The following ZNF331 variants were observed in gnomAD, a reference collection of about 807,000 sequenced individuals.
ZNF331 encodes the protein zinc finger protein 331, also known as C2H2-like zinc finger protein rearranged in thyroid adenomas.
ZNF331 carries 2 observed loss-of-function variants against 7.0 expected under a neutral mutation model. The observed-to-expected ratio is 0.29, with a 90% CI of 0.12 to 0.90. ZNF331 has a LOEUF of 0.90. Ranked by LOEUF, ZNF331 falls within the 40% of genes least tolerant of loss-of-function variation. ZNF331 has a pLI of 0.58. For missense variants in ZNF331, 432 were observed against 587.7 expected, an observed-to-expected ratio of 0.74 and a Z score of 2.74; for synonymous variants, 196 against 205.4, an observed-to-expected ratio of 0.95 and a Z score of 0.39.
chr19:53,556,971 C>CTTTT (rs59869542), intron 3 of ZNF331, among the ~76,000 whole-genome samples: 1 of 69,624 alleles, frequency 1.4e-5, no homozygotes, highest in Admixed American at 1.7e-4. Flanking sequence ...ACACCTGGCT[C>CTTTT]TTTTTTTTTT....
At chr19:53,519,830 C>G (rs1279135401), upstream of ZNF331, among the ~76,000 whole-genome samples, 1 of 152,146 alleles carries the variant, frequency 6.6e-6, no homozygotes, top group Non-Finnish European at 1.5e-5. Context: ...GCTCCCCAAT[C>G]TACTGGGGGG....
chr19:53,515,168 T>G (rs1478447280), upstream of ZNF331, among the ~76,000 whole-genome samples: 1 of 152,174 alleles, frequency 6.6e-6, no homozygotes, highest in African/African-American at 2.4e-5. Flanking sequence ...CACTAGAAAT[T>G]TAGTTCTCCT....
chr19:53,575,187 C>T (rs1665738899), intron 5 of ZNF331, among the ~76,000 whole-genome samples: 1 of 151,992 alleles, frequency 6.6e-6, no homozygotes, highest in East Asian at 1.9e-4. Flanking sequence ...AATCCACCCA[C>T]CTCGGTCTCC....
intron 2 of ZNF331, among the ~76,000 whole-genome samples, chr19:53,533,057 A>G (rs1297222233): frequency 6.9e-6 from 1 of 145,646 alleles, no homozygotes; most frequent in East Asian, 1.9e-4. Flanking sequence ...TATGAGTGTC[A>G]TTTGTTCTTT....
intron 2 of ZNF331, chr19:53,523,163 T>C (rs2087152186): frequency 6.6e-6 from 1 of 152,150 alleles, no homozygotes; most frequent in Admixed American, 6.5e-5. Flanking sequence ...TCACTAATTA[T>C]TATTTTTGTC....
At position 53,571,196 on chromosome 19, in the gene ZNF331, T is replaced by C. The variant is rs772426774; in HGVS notation, c.10-408T>C. Among the ~76,000 whole-genome samples, 9 of 152,186 alleles carry C rather than the reference T, an allele frequency of 5.9e-5. No individual in the cohort carries two copies. The highest frequency in any genetic ancestry group is 8.8e-5 in the Non-Finnish European group (6 of 68,030). ...CGCCCAGCCCCAGCAAACCCTATTTTCTAAAATAAAAGTTCTTAAACAGAA... is the reference window on the plus strand; with the variant it reads ...CGCCCAGCCCCAGCAAACCCTATTTCCTAAAATAAAAGTTCTTAAACAGAA... On this transcript the variant is annotated intron_variant, in intron 4 of 5. Transcript: ENST00000449416. The surrounding 1 kb of genome is among the most constrained non-coding windows in gnomAD (Gnocchi z 4.7).
the ZNF331 span, among the ~76,000 whole-genome samples, chr19:53,507,761 G>A: frequency 6.6e-6 from 1 of 152,156 alleles, no homozygotes; most frequent in Non-Finnish European, 1.5e-5. Flanking sequence ...CCTTTTGGGA[G>A]GCTGAGGTAG....
chr19:53,535,353 A>G (rs1051755906), upstream of ZNF331, among the ~76,000 whole-genome samples: 2 of 152,162 alleles, frequency 1.3e-5, no homozygotes, highest in Admixed American at 1.3e-4. Context: ...TGGCCTCTCA[A>G]AGTGCTGGGG....
In ZNF331 at chr19:53,539,240, C is replaced by G. The variant is rs911408339; in HGVS notation, c.-180C>G. 2.0e-5 allele frequency: 3 copies of G among 152,174 alleles called. No individual in the cohort carries two copies. 9.4% of individuals were successfully genotyped at this position (152,174 alleles called of 1,614,324 possible). A position where few individuals can be genotyped will look rare whatever the true frequency, so the allele number is the denominator to read the frequency against. ...GGCCAGCATCCTTCAGAAAAAGCAT[C>G]CCCGAGGAGGAAGACGAATCGTTAA... On this transcript the variant is annotated 5_prime_UTR_variant, in exon 2 of 6. In the 5' UTR this introduces an upstream ATG that the reference lacks. Coordinates refer to ENST00000449416, the MANE Select transcript of ZNF331 (RefSeq NM_001079906.2). The surrounding 1 kb of genome is among the most constrained non-coding windows in gnomAD (Gnocchi z 6.1).
the ZNF331 span, among the ~76,000 whole-genome samples, chr19:53,513,875 G>A: frequency 6.6e-6 from 1 of 152,084 alleles, no homozygotes; most frequent in Non-Finnish European, 1.5e-5. Context: ...CTTCCAAAGT[G>A]CTGGGATTAC....
At chr19:53,559,661 A>G (rs2089714295) in intron 3 of ZNF331, among the ~76,000 whole-genome samples, 2 of 149,790 alleles carry the variant, frequency 1.3e-5, no homozygotes, top group Admixed American at 6.8e-5. Context: ...AGCTACATAT[A>G]TACACACATA....
At chr19:53,510,703 C>G in the ZNF331 span, among the ~76,000 whole-genome samples, 14 of 152,054 alleles carry the variant, frequency 9.2e-5, no homozygotes, top group African/African-American at 3.4e-4. Flanking sequence ...TCCATAACTC[C>G]CAACTGAATG....
chr19:53,561,869 C>T (rs752930783), intron 3 of ZNF331, among the ~76,000 whole-genome samples: 31 of 152,064 alleles, frequency 2.0e-4, no homozygotes, highest in African/African-American at 4.3e-4. Context: ...ACTAGAAGGC[C>T]GGGTGCAATG....
At chr19:53,542,681 T>TTATA (rs1223753202) in intron 2 of ZNF331, among the ~76,000 whole-genome samples, 2 of 152,254 alleles carry the variant, frequency 1.3e-5, no homozygotes, top group East Asian at 3.8e-4. Context: ...CATTTCCTCG[T>TTATA]TATATTTCTT....
intron 2 of ZNF331, among the ~76,000 whole-genome samples, chr19:53,526,459 T>A (rs1480228070): frequency 1.3e-5 from 2 of 152,228 alleles, no homozygotes; most frequent in African/African-American, 2.4e-5. Flanking sequence ...GTGTTCAGAT[T>A]TTGTATTTCT....
rs1338334343 is a variant in ZNF331 at position 53,571,058 on chromosome 19, A to G, written c.10-546A>G. Among the ~76,000 whole-genome samples the G allele has an allele frequency of 6.7e-6, 1 of 149,608 alleles. No individual in the cohort carries two copies. The highest frequency in any genetic ancestry group is 1.5e-5 in the Non-Finnish European group (1 of 67,600). On this transcript the variant is annotated intron_variant, in intron 4 of 5. Coordinates refer to ENST00000449416, the MANE Select transcript of ZNF331 (RefSeq NM_001079906.2). This position sits in a 1 kb window ranked among gnomAD's most constrained non-coding sequence, Gnocchi z 4.7. ...GTATTTTTAGTAGAGATGGGGTTTC[A>G]CCATGTTTGCCAGGATGGTCTCGAT... is the stretch of plus-strand genomic sequence containing the variant.
chr19:53,564,038 A>G (rs2090031791), intron 3 of ZNF331, among the ~76,000 whole-genome samples: 1 of 69,562 alleles, frequency 1.4e-5, no homozygotes, highest in African/African-American at 3.9e-5. Context: ...TCTCAAAAAA[A>G]AAAAAAAAAA....
chr19:53,535,801 CT>C (rs558002929), upstream of ZNF331, among the ~76,000 whole-genome samples: 13,506 of 143,330 alleles, frequency 0.094, 635 homozygotes, highest in Non-Finnish European at 0.14. Flanking sequence ...AAAATGTTCA[CT>C]TTTTTTTTTT....
At chr19:53,565,822 G>C (rs1482165170) in intron 3 of ZNF331, among the ~76,000 whole-genome samples, 1 of 151,944 alleles carries the variant, frequency 6.6e-6, no homozygotes, top group Non-Finnish European at 1.5e-5. Flanking sequence ...AGCCACCATG[G>C]CTAGGAGTAG....
Sources: allele counts gnomAD v4.1 joint callset (sites outside exome capture counted in the v4.1 genomes callset), GRCh38; gene constraint gnomAD v4.1.1; non-coding constraint Gnocchi (gnomAD v3.1); transcripts MANE v1.5; gene names NCBI Gene and HGNC (gene_info 2026-07-23, HGNC 2026-07-21).